Variants in MED13L observed in about 807,000 individuals in gnomAD.
The protein encoded by MED13L is mediator complex subunit 13L.
MED13L carries 7 observed loss-of-function variants against 220.9 expected under a neutral mutation model. That is an observed-to-expected ratio of 0.03 (90% CI 0.02 to 0.06). The LOEUF is 0.06. Ranked by LOEUF, MED13L falls within the 10% of genes least tolerant of loss-of-function variation. The pLI is 1.00. For synonymous variants in MED13L, 1,011 were observed against 1,015.2 expected (o/e 1.00, Z 0.08); for missense variants, 1,965 against 2,760.5 (o/e 0.71, Z 6.46).
chr12:116,240,121 T>A (rs1033551252), intron 1 of MED13L, among the ~76,000 whole-genome samples: 1 of 152,174 alleles, frequency 6.6e-6, no homozygotes, highest in Non-Finnish European at 1.5e-5. Context: ...AAGTTCCTTT[T>A]TTTTTTTCTG....
At chr12:116,011,293 T>TA (rs1055400426) in intron 9 of MED13L, among the ~76,000 whole-genome samples, 46 of 151,616 alleles carry the variant, frequency 3.0e-4, no homozygotes, top group South Asian at 4.2e-4. Context: ...CATATGGTTA[T>TA]AAAAAAAAGA....
intron 2 of MED13L, among the ~76,000 whole-genome samples, chr12:116,120,011 A>G (rs1466138938): frequency 6.6e-6 from 1 of 151,770 alleles, no homozygotes; most frequent in African/African-American, 2.4e-5. Context: ...GAATTCCTCA[A>G]GGGGAAGCAA....
At chr12:116,102,825 G>T (rs755031710) in intron 3 of MED13L, among the ~76,000 whole-genome samples, 5 of 141,914 alleles carry the variant, frequency 3.5e-5, no homozygotes, top group Admixed American at 3.0e-4. Flanking sequence ...AGGTTCAAGC[G>T]ATTCTCCTGC....
At chr12:116,072,688 G>A (rs1870480616) in intron 4 of MED13L, among the ~76,000 whole-genome samples, 1 of 152,076 alleles carries the variant, frequency 6.6e-6, no homozygotes, top group African/African-American at 2.4e-5. Flanking sequence ...TCCTTGTTAA[G>A]CCACCGTGCC....
chr12:116,245,633 T>C (rs558169816), intron 1 of MED13L, among the ~76,000 whole-genome samples: 29 of 150,292 alleles, frequency 1.9e-4, no homozygotes, highest in Non-Finnish European at 2.1e-4. Context: ...CAGGAGAGAA[T>C]TTTTTAAAAG....
chr12:116,128,577 T>A (rs1875801118), intron 2 of MED13L, among the ~76,000 whole-genome samples: 1 of 152,188 alleles, frequency 6.6e-6, no homozygotes, highest in South Asian at 2.1e-4. Flanking sequence ...AAAACTTCTA[T>A]CCCAATAAGA....
chr12:116,128,555 A>G (rs1213159011), intron 2 of MED13L, among the ~76,000 whole-genome samples: 1 of 152,202 alleles, frequency 6.6e-6, no homozygotes, highest in African/African-American at 2.4e-5. Context: ...AAATCAGGCA[A>G]CTTTAACTTA....
At chr12:116,144,014 G>A (rs879775443) in intron 2 of MED13L, among the ~76,000 whole-genome samples, 1 of 152,108 alleles carries the variant, frequency 6.6e-6, no homozygotes, top group Admixed American at 6.5e-5. Flanking sequence ...ATTACCCAGA[G>A]CCACAGAACA....
intron 1 of MED13L, among the ~76,000 whole-genome samples, chr12:116,271,559 G>C (rs1207434547): frequency 1.3e-5 from 2 of 151,310 alleles, no homozygotes; most frequent in Non-Finnish European, 1.5e-5. Flanking sequence ...CCGGGAGGCG[G>C]AGCTTGCAGT....
chr12:116,256,424 T>C (rs573561036), intron 1 of MED13L, among the ~76,000 whole-genome samples: 1 of 151,948 alleles, frequency 6.6e-6, no homozygotes, highest in Non-Finnish European at 1.5e-5. Flanking sequence ...GGTAGTTGCC[T>C]GGAGGGGAGG....
chr12:116,191,019 G>A (rs1054951113), intron 2 of MED13L, among the ~76,000 whole-genome samples: 13 of 151,434 alleles, frequency 8.6e-5, no homozygotes, highest in African/African-American at 2.9e-4. Context: ...TTGAACCCAG[G>A]AGGCGGAGGT....
At chr12:116,168,151 A>C (rs1346190798) in intron 2 of MED13L, among the ~76,000 whole-genome samples, 1 of 151,916 alleles carries the variant, frequency 6.6e-6, no homozygotes, top group Non-Finnish European at 1.5e-5. Flanking sequence ...TATGAAACAA[A>C]GAGTCACATG....
intron 4 of MED13L, among the ~76,000 whole-genome samples, chr12:116,065,224 G>A (rs922370173): frequency 2.0e-5 from 3 of 152,108 alleles, no homozygotes; most frequent in Non-Finnish European, 1.5e-5. Context: ...GTCATATATG[G>A]AGTCCATAGT....
At chr12:116,043,088 T>A (rs1167586222) in intron 4 of MED13L, among the ~76,000 whole-genome samples, 1 of 152,174 alleles carries the variant, frequency 6.6e-6, no homozygotes, top group Non-Finnish European at 1.5e-5. Context: ...AAATATTCAT[T>A]CTGTGGAGAT....
At chr12:116,257,012 T>C (rs1339370484) in intron 1 of MED13L, among the ~76,000 whole-genome samples, 1 of 152,206 alleles carries the variant, frequency 6.6e-6, no homozygotes, top group Admixed American at 6.5e-5. Flanking sequence ...AAGTATCATC[T>C]TGCACATCTC....
chr12:116,098,380 G>C (rs943319144), intron 3 of MED13L, among the ~76,000 whole-genome samples: 4 of 152,198 alleles, frequency 2.6e-5, no homozygotes, highest in African/African-American at 9.7e-5. Context: ...TACATATTTT[G>C]TAAGAAAAGA....
At chr12:116,109,537 C>G (rs756733975) in intron 3 of MED13L, among the ~76,000 whole-genome samples, 12 of 151,902 alleles carry the variant, frequency 7.9e-5, no homozygotes, top group Admixed American at 1.3e-4. Context: ...AAAAAAAACA[C>G]AGTGAGCTAC....
At chr12:116,012,239 A>G (rs1879455508) in intron 9 of MED13L, among the ~76,000 whole-genome samples, 1 of 152,220 alleles carries the variant, frequency 6.6e-6, no homozygotes, top group African/African-American at 2.4e-5. Flanking sequence ...TGGTAAGTCA[A>G]TGGAATATCC....
At chr12:116,229,577 T>C (rs1002043515) in intron 2 of MED13L, among the ~76,000 whole-genome samples, 2 of 152,188 alleles carry the variant, frequency 1.3e-5, no homozygotes, top group Non-Finnish European at 2.9e-5. Flanking sequence ...TGGTAACACA[T>C]CGATTTTACT....
Sources: gnomAD v4.1 joint callset for allele counts (sites outside exome capture counted in the v4.1 genomes callset) on GRCh38, gnomAD v4.1.1 for gene constraint, MANE v1.5 for transcripts, NCBI Gene and HGNC (gene_info 2026-07-23, HGNC 2026-07-21) for gene names.